Variants in SLC29A4 observed in about 807,000 individuals in gnomAD.
SLC29A4 encodes solute carrier family 29 member 4, also known as equilibrative nucleoside transporter 4.
Under a neutral mutation model 43.9 loss-of-function variants are expected in SLC29A4, and 36 were observed. The ratio of observed to expected loss-of-function variants is 0.82; its 90% confidence interval spans 0.63 to 1.08. The LOEUF (loss-of-function observed/expected upper bound fraction) is 1.08, where lower values mean the gene tolerates loss of function less well. Among genes scored for constraint, SLC29A4 ranks in the 50% least tolerant of loss-of-function variants. The pLI, the probability that SLC29A4 is intolerant of heterozygous loss-of-function variation, is 0.00. For synonymous variants in SLC29A4, 491 were observed against 338.0 expected, an observed-to-expected ratio of 1.45 and a Z score of -4.97; for missense variants, 869 against 755.3, an observed-to-expected ratio of 1.15 and a Z score of -1.77.
At position 5,299,075 on chromosome 7, in the gene SLC29A4, C is replaced by A. The variant is rs371297225; in HGVS notation, c.970C>A (p.Arg324Ser). The change falls in exon 8 of 11, where the codon CGC becomes AGC. Residue 324 changes from arginine to serine, a missense_variant. Physicochemically the swap from Arg to Ser is moderately radical, Grantham distance 110. Coordinates refer to ENST00000396872, the MANE Select transcript of SLC29A4 (RefSeq NM_153247.4). ...GACCGGCAGCGGCGGGGCCTACATG[C>A]GCTTTGATGTGCCGCGGCCAAGGGT... Reference protein sequence around the residue: ...EVTGSGGAYMRFDVPRPRVQR... With the variant: ...EVTGSGGAYMSFDVPRPRVQR... The A allele has an allele frequency of 2.5e-6, 4 of 1,610,826 alleles. No individual in the cohort carries two copies. In the African/African-American group the frequency reaches 4.0e-5, roughly 16 times the overall value.
intron 5 of SLC29A4, among the ~76,000 whole-genome samples, chr7:5,292,022 A>G (rs1785343605): frequency 6.6e-6 from 1 of 152,252 alleles, no homozygotes; most frequent in African/African-American, 2.4e-5. Flanking sequence ...GTGTGTGCGC[A>G]GCGTGTAGCC....
At chr7:5,299,967 G>A (rs1786019378) in intron 9 of SLC29A4, among the ~76,000 whole-genome samples, 1 of 152,172 alleles carries the variant, frequency 6.6e-6, no homozygotes, top group African/African-American at 2.4e-5. Context: ...CAGGAGAATC[G>A]CTTGAACCCA....
At chr7:5,297,364 T>G (rs1785780717) in intron 7 of SLC29A4, among the ~76,000 whole-genome samples, 166 bp downstream of exon 7, 1 of 152,210 alleles carries the variant, frequency 6.6e-6, no homozygotes, top group Admixed American at 6.5e-5. Context: ...TGTGTACTCT[T>G]ACTGATGTGG....
At chr7:5,290,343 G>A (rs1785227260) in intron 2 of SLC29A4, among the ~76,000 whole-genome samples, 1 of 152,160 alleles carries the variant, frequency 6.6e-6, no homozygotes, top group Admixed American at 6.5e-5. Flanking sequence ...GATTACAGTT[G>A]TGAGCCACGG....
rs571707748 is a variant in SLC29A4, at chr7:5,283,608, G to T, written c.-9+526G>T. 3.3e-5 allele frequency among the ~76,000 whole-genome samples: 5 copies of T among 152,278 alleles called. No homozygotes were observed. In the South Asian group the frequency reaches 6.2e-4, roughly 19 times the overall value. On this transcript the variant is annotated intron_variant, in intron 1 of 10. Transcript: ENST00000396872. ...GGGCCGGGGAGGGCGGTGGGCCCGG[G>T]GGGCCAGCCTGTGGCCCCTGCATGC...
intron 10 of SLC29A4, among the ~76,000 whole-genome samples, chr7:5,301,018 GA>G (rs1388176212): frequency 6.6e-6 from 1 of 152,186 alleles, no homozygotes; most frequent in Non-Finnish European, 1.5e-5. Flanking sequence ...CAGCACTTTG[GA>G]AGGGCAAAGC....
At position 5,302,909 on chromosome 7, in the gene SLC29A4, C is replaced by A; in HGVS notation, c.1563C>A (p.Thr521=). ...DAHGSCLHAS[T]ANGSILAGL ...ACGGCAGCTGCCTGCACGCCTCCAC[C>A]GCCAATGGTTCCATCCTCGCAGGCC... Residue 521 remains threonine, a synonymous_variant, in exon 11 of 11, where the codon ACC becomes ACA. Transcript: ENST00000396872. 1 of 1,608,190 alleles carries A rather than the reference C, an allele frequency of 6.2e-7. No individual in the cohort carries two copies. Among genetic ancestry groups the A allele is most frequent in the Non-Finnish European group, 8.5e-7 (1 of 1,178,148 alleles).
At chr7:5,302,652 G>T in intron 10 of SLC29A4, 145 bp from the exon 11 acceptor site, 1 of 745,520 alleles carries the variant, frequency 1.3e-6, no homozygotes, top group African/African-American at 1.8e-5. Context: ...ATCCGGAGAG[G>T]GTGCTCCCAG....
intron 7 of SLC29A4, among the ~76,000 whole-genome samples, 197 bp from the exon 8 acceptor site, chr7:5,298,791 C>A (rs375209225): frequency 1.3e-5 from 2 of 152,140 alleles, no homozygotes; most frequent in African/African-American, 4.8e-5. Flanking sequence ...CAGAGCAAGA[C>A]CCTCTCTCTA....
chr7:5,295,988 G>C (rs184365905), intron 6 of SLC29A4, among the ~76,000 whole-genome samples: 12 of 152,086 alleles, frequency 7.9e-5, no homozygotes, highest in Non-Finnish European at 1.6e-4. Context: ...ACTGGGCAGT[G>C]GCGCATGGTC....
intron 2 of SLC29A4, among the ~76,000 whole-genome samples, chr7:5,290,205 T>C (rs964584160): frequency 3.3e-5 from 5 of 152,068 alleles, no homozygotes; most frequent in Middle Eastern, 3.2e-3. Context: ...AGGCGCCCAC[T>C]ACCATGCCTG....
At chr7:5,299,449 G>A (rs1785977074) in intron 9 of SLC29A4, 22 bp downstream of exon 9, 1 of 1,602,026 alleles carries the variant, frequency 6.2e-7, no homozygotes, top group Admixed American at 1.7e-5. Flanking sequence ...GCCCTGCCCG[G>A]TGTCGGGGGA....
chr7:5,306,877 T>TTA lies in SLC29A4; in HGVS notation c.*3938_*3939insTA, dbSNP rs532837770. On this transcript the variant is annotated 3_prime_UTR_variant, in exon 11 of 11. Transcript: ENST00000396872. The stretch of plus-strand genomic sequence containing the variant: ...AACAAACAAAATTCCAAAAGAAACA[T>TTA]AAAAAAAAAAACCAATAATTCCCCC... The TTA allele has an allele frequency of 1.6e-4, 23 of 147,022 alleles. No individual in the cohort carries two copies. The highest frequency in any genetic ancestry group is 5.7e-4 in the African/African-American group (23 of 40,132). 9.1% of individuals were successfully genotyped at this position (147,022 alleles called of 1,614,324 possible).
Position 5,296,932 on chromosome 7 carries a change from C to G in SLC29A4, c.620-4C>G, listed in dbSNP as rs752774005. ...GGCCCCGGCCCACTGTGCACGCCCC[C>G]CAGGCACGGCGGGCGTGATGATCTC... On this transcript the variant is annotated splice_polypyrimidine_tract_variant and splice_region_variant and intron_variant, in intron 6 of 10. Transcript: ENST00000396872. 2.6e-6 allele frequency: 4 copies of G among 1,523,370 alleles called. No individual in the cohort carries two copies. Among genetic ancestry groups the G allele is most frequent in the African/African-American group, 2.7e-5 (2 of 73,894 alleles). The allele number at this position is 1,523,370 out of a possible 1,614,324, so 94.4% of individuals were successfully genotyped here.
At chr7:5,284,090 T>C (rs1253223956) in intron 1 of SLC29A4, among the ~76,000 whole-genome samples, 3 of 132,134 alleles carry the variant, frequency 2.3e-5, no homozygotes, top group Non-Finnish European at 4.6e-5. Flanking sequence ...CCCTGCAAAG[T>C]GGTGAGGGGC....
intron 2 of SLC29A4, 44 bp from the exon 3 acceptor site, chr7:5,290,688 A>G (rs1275479880): frequency 2.5e-6 from 4 of 1,575,870 alleles, no homozygotes; most frequent in African/African-American, 1.3e-5. Context: ...GACTGTAGCC[A>G]TGCGTGGAGC....
chr7:5,292,100 G>C (rs1240486931), intron 5 of SLC29A4, among the ~76,000 whole-genome samples: 1 of 152,200 alleles, frequency 6.6e-6, no homozygotes, highest in African/African-American at 2.4e-5. Flanking sequence ...TTCTGCCTTT[G>C]TCACCATGTC....
At chr7:5,285,856 G>C (rs1325660992) in intron 1 of SLC29A4, among the ~76,000 whole-genome samples, 2 of 151,948 alleles carry the variant, frequency 1.3e-5, no homozygotes, top group African/African-American at 2.4e-5. Context: ...CTACAAAAAA[G>C]AAAAAAATTA....
intron 5 of SLC29A4, among the ~76,000 whole-genome samples, chr7:5,292,527 C>G (rs1267364765): frequency 6.6e-6 from 1 of 151,992 alleles, no homozygotes; most frequent in Non-Finnish European, 1.5e-5. Flanking sequence ...CCCTCTCCCT[C>G]CACCCCGTCT....
Sources: allele counts gnomAD v4.1 joint callset (sites outside exome capture counted in the v4.1 genomes callset), GRCh38; gene constraint gnomAD v4.1.1; transcripts MANE v1.5; gene names NCBI Gene and HGNC (gene_info 2026-07-23, HGNC 2026-07-21).